The following RASL10A variants were observed in gnomAD, a reference collection of about 807,000 sequenced individuals.
RASL10A encodes the protein RAS like family 10 member A, also known as ras-like protein family member 10A.
RASL10A carries 13 observed loss-of-function variants against 17.3 expected under a neutral mutation model. That is an observed-to-expected ratio of 0.75 (90% CI 0.49 to 1.20). RASL10A has a LOEUF of 1.20. Among genes scored for constraint, RASL10A ranks in the 50% most tolerant of loss-of-function variants. The pLI is 0.00. For missense variants in RASL10A, 307 were observed against 310.3 expected (o/e 0.99, Z 0.08); for synonymous variants, 159 against 142.2 (o/e 1.12, Z -0.84).
chr22:29,313,034 G>C lies in RASL10A; in HGVS notation c.*267C>G. 3 of 424,626 alleles carry C rather than the reference G, an allele frequency of 7.1e-6. No individual in the cohort carries two copies. The highest frequency in any genetic ancestry group is 1.2e-5 in the Non-Finnish European group (3 of 243,650). The allele number at this position is 424,626 out of a possible 1,614,324, so 26.3% of individuals were successfully genotyped here. ...CTGCGTGTTTCCAGTCAAGTTCATA[G>C]CCAAGTCCTTTCCATCCAATGGGAT... On this transcript the variant is annotated 3_prime_UTR_variant, in exon 3 of 3. Coordinates refer to ENST00000216101, the MANE Select transcript of RASL10A (RefSeq NM_006477.5).
Position 29,315,119 on chromosome 22 carries a change from CG to C in RASL10A, c.127del (p.Arg43AspfsTer13). ...GGCGCCGTCGAGCAGCACCGCGGGT[CG>C]GTAGAGGCGCGGCCCGTCCGTGGGC... is the stretch of plus-strand genomic sequence containing the variant. ...HRPTDGPRLY[R>X]PAVLLDGAVY... On this transcript the variant is annotated frameshift_variant, in exon 1 of 3. Transcript: ENST00000216101. LOFTEE classifies it high-confidence loss of function. This position sits in a 1 kb window ranked among gnomAD's most constrained non-coding sequence, Gnocchi z 5.5. 6.5e-7 allele frequency: 1 copy of C among 1,531,012 alleles called. No homozygotes were observed. The highest frequency in any genetic ancestry group is 8.7e-7 in the Non-Finnish European group (1 of 1,143,500). The allele number at this position is 1,531,012 out of a possible 1,614,324, so 94.8% of individuals were successfully genotyped here. A position where few individuals can be genotyped will look rare whatever the true frequency, so the allele number is the denominator to read the frequency against.
chr22:29,313,867 T>G lies in RASL10A; in HGVS notation c.340A>C (p.Thr114Pro). 1 of 1,613,384 alleles carries G rather than the reference T, an allele frequency of 6.2e-7. No individual in the cohort carries two copies. Reference protein sequence around the residue: ...VKALRQRIAETRPAGAPEAPI... With the variant: ...VKALRQRIAEPRPAGAPEAPI... ...CCAGAACTGCCGGGCCCCTACCTGG[T>G]CTCCGCGATGCGCTGCCGCAGGGCC... The change falls in exon 2 of 3, where the codon ACC becomes CCC. Residue 114 changes from threonine (T) to proline (P), a missense_variant. Transcript: ENST00000216101.
chr22:29,317,790 T>C (rs2061460560), upstream of RASL10A, among the ~76,000 whole-genome samples: 1 of 152,194 alleles, frequency 6.6e-6, no homozygotes, highest in South Asian at 2.1e-4. Flanking sequence ...GTTCAAGCAA[T>C]TCTCCTGTCT....
chr22:29,313,411 G>T lies in RASL10A; in HGVS notation c.502C>A (p.Leu168Met). The T allele has an allele frequency of 6.5e-7, 1 of 1,541,866 alleles. No individual in the cohort carries two copies. ...ECSAKYNWHV[L>M]RLFRELLRCA... ...CGCAGCAGCTCGCGGAAGAGACGCA[G>T]CACGTGCCAGTTGTACTTGGCGGAG... The change falls in exon 3 of 3, where the codon CTG becomes ATG. Residue 168 changes from leucine to methionine, a missense_variant. Physicochemically the swap from Leu to Met is conservative, Grantham distance 15 (BLOSUM62 2). Coordinates refer to ENST00000216101, the MANE Select transcript of RASL10A (RefSeq NM_006477.5).
chr22:29,318,036 C>T (rs2061461642), upstream of RASL10A, among the ~76,000 whole-genome samples: 1 of 152,208 alleles, frequency 6.6e-6, no homozygotes, highest in Non-Finnish European at 1.5e-5. Context: ...TCCCGCCCAC[C>T]CCTGGGTATT....
chr22:29,314,022 C>G, intron 1 of RASL10A, 35 bp from the exon 2 acceptor site: 1 of 1,608,038 alleles, frequency 6.2e-7, no homozygotes. Flanking sequence ...CGGAAGCCTC[C>G]TTTCCACTCT....
rs1343450337 is a variant in RASL10A, at chr22:29,313,339, G to T, written c.574C>A (p.Gln192Lys). The change falls in exon 3 of 3, where the codon CAG becomes AAG. Residue 192 changes from glutamine (Q) to lysine (K), a missense_variant. Gln to Lys is a moderately conservative substitution (Grantham distance 53). Transcript: ENST00000216101. The stretch of plus-strand genomic sequence containing the variant: ...CAGCGCGCGGGATGCAGCGCCCCCT[G>T]CAGGCGCAGGGCCGGGTGTGCAGGG... ...ARPAHPALRL[Q>K]GALHPARCSL... The T allele has an allele frequency of 6.5e-7, 1 of 1,535,972 alleles. No individual in the cohort carries two copies. Among genetic ancestry groups the T allele is most frequent in the South Asian group, 1.2e-5 (1 of 83,048 alleles).
upstream of RASL10A, among the ~76,000 whole-genome samples, chr22:29,319,041 G>A (rs974771766): frequency 6.6e-6 from 1 of 152,164 alleles, no homozygotes; most frequent in African/African-American, 2.4e-5. Flanking sequence ...ATAGTGGGGA[G>A]GGCTGGGCAG....
intron 2 of RASL10A, 101 bp downstream of exon 2, chr22:29,313,761 AG>A: frequency 6.5e-7 from 1 of 1,540,438 alleles, no homozygotes; most frequent in Non-Finnish European, 8.7e-7. Flanking sequence ...CGAAGGCCTA[AG>A]ACCCGGCCCA....
At position 29,313,257 on chromosome 22, in the gene RASL10A, C is replaced by T. The variant is rs2061429727; in HGVS notation, c.*44G>A. 1.4e-6 allele frequency: 2 copies of T among 1,448,738 alleles called. No individual in the cohort carries two copies. The highest frequency in any genetic ancestry group is 2.9e-5 in the African/African-American group (2 of 68,278). 89.7% of individuals were successfully genotyped at this position (1,448,738 alleles called of 1,614,324 possible). A position where few individuals can be genotyped will look rare whatever the true frequency, so the allele number is the denominator to read the frequency against. On this transcript the variant is annotated 3_prime_UTR_variant, in exon 3 of 3. Coordinates refer to ENST00000216101, the MANE Select transcript of RASL10A (RefSeq NM_006477.5). ...CCGTCCAATCCAGGTCCCTGATTGT[C>T]CCAGTCACAAGGTGGGGCCCATGGA... is the stretch of plus-strand genomic sequence containing the variant.
chr22:29,314,189 G>T (rs1569144782), intron 1 of RASL10A: 1 of 615,876 alleles, frequency 1.6e-6, no homozygotes, highest in Non-Finnish European at 2.8e-6. Flanking sequence ...CTGTCAGCCA[G>T]CCTCCTTCAT....
rs1269872451 is a variant in RASL10A, at chr22:29,313,311, CTGCAGCGCGCGGGA to C, written c.588_601del (p.His196GlnfsTer60). On this transcript the variant is annotated frameshift_variant, in exon 3 of 3. Coordinates refer to ENST00000216101, the MANE Select transcript of RASL10A (RefSeq NM_006477.5). LOFTEE classifies it high-confidence loss of function. ...CACTGTCCGATCGGGTCACATGAGGCTGCAGCGCGCGGGATGCAGCGCCCCCTGCAGGCGCAGGG... is the reference window on the plus strand; with the variant it reads ...CACTGTCCGATCGGGTCACATGAGGCTGCAGCGCCCCCTGCAGGCGCAGGG... 2 of 1,519,490 alleles carry C rather than the reference CTGCAGCGCGCGGGA, an allele frequency of 1.3e-6. No homozygotes were observed. Among genetic ancestry groups the C allele is most frequent in the Non-Finnish European group, 1.8e-6 (2 of 1,132,330 alleles). 94.1% of individuals were successfully genotyped at this position (1,519,490 alleles called of 1,614,324 possible).
intron 1 of RASL10A, among the ~76,000 whole-genome samples, chr22:29,314,654 C>G (rs2061442098): frequency 6.6e-6 from 1 of 152,164 alleles, no homozygotes. Context: ...AAAGTACACC[C>G]CTGCTCCTGA....
At chr22:29,318,836 G>T (rs1183777880), upstream of RASL10A, among the ~76,000 whole-genome samples, 1 of 152,228 alleles carries the variant, frequency 6.6e-6, no homozygotes, top group Non-Finnish European at 1.5e-5. Flanking sequence ...ACTGGCACTA[G>T]GCACACAGTG....
upstream of RASL10A, among the ~76,000 whole-genome samples, chr22:29,317,583 C>T (rs1046216512): frequency 1.3e-5 from 2 of 152,156 alleles, no homozygotes; most frequent in African/African-American, 4.8e-5. Flanking sequence ...GTTTTGTGAG[C>T]TGCTTCAATT....
chr22:29,319,506 G>A (rs2061466566), upstream of RASL10A: 1 of 152,298 alleles, frequency 6.6e-6, no homozygotes, highest in Non-Finnish European at 1.5e-5. Flanking sequence ...CTTTTCTTGG[G>A]TTTGAAACCT....
rs1206957453 is a variant in RASL10A, at chr22:29,313,540, G to A, written c.373C>T (p.Leu125Phe). Residue 125 changes from leucine to phenylalanine, a missense_variant, in exon 3 of 3, where the codon CTC becomes TTC. Leu to Phe is a conservative substitution (Grantham distance 22). Transcript: ENST00000216101. Reference sequence around the variant, plus strand: ...CTGTCCCGCTTGTTGCCTACCACGAGGATGGGCGCTTCGGGCGCGCCCGCC... The same window carrying A: ...CTGTCCCGCTTGTTGCCTACCACGAAGATGGGCGCTTCGGGCGCGCCCGCC... The part of the protein sequence containing the change: ...RPAGAPEAPI[L>F]VVGNKRDRQR... 2 of 1,554,618 alleles carry A rather than the reference G, an allele frequency of 1.3e-6. No individual in the cohort carries two copies. Among genetic ancestry groups the A allele is most frequent in the Middle Eastern group, 2.2e-4 (1 of 4,452 alleles).
At chr22:29,314,299 C>G in intron 1 of RASL10A, 1 of 329,602 alleles carries the variant, frequency 3.0e-6, no homozygotes. Flanking sequence ...GTGCTTACCA[C>G]GGCCTCTAAG....
At chr22:29,317,889 T>C (rs987597828), upstream of RASL10A, among the ~76,000 whole-genome samples, 4 of 152,076 alleles carry the variant, frequency 2.6e-5, no homozygotes, top group Non-Finnish European at 5.9e-5. Context: ...TTTCACCATA[T>C]TGGTCAGGCT....
Sources: gnomAD v4.1 joint callset for allele counts (sites outside exome capture counted in the v4.1 genomes callset) on GRCh38, gnomAD v4.1.1 for gene constraint, Gnocchi (gnomAD v3.1) non-coding constraint, MANE v1.5 for transcripts, NCBI Gene and HGNC (gene_info 2026-07-23, HGNC 2026-07-21) for gene names.